The following SUPT20H variants were observed in gnomAD, a reference collection of about 807,000 sequenced individuals.
SUPT20H encodes transcription factor SPT20 homolog.
SUPT20H carries 82 observed loss-of-function variants against 122.8 expected under a neutral mutation model. That is an observed-to-expected ratio of 0.67 (90% CI 0.56 to 0.80). The LOEUF (loss-of-function observed/expected upper bound fraction) is 0.80, where lower values mean the gene tolerates loss of function less well. SUPT20H is among the 30% of genes least tolerant of loss of function. The pLI is 0.00. For synonymous variants in SUPT20H, 291 were observed against 313.0 expected (o/e 0.93, Z 0.74); for missense variants, 831 against 921.6 (o/e 0.90, Z 1.27).
chr13:37,011,595 C>T (rs1167499039), intron 24 of SUPT20H, among the ~76,000 whole-genome samples: 1 of 144,442 alleles, frequency 6.9e-6, no homozygotes. Flanking sequence ...TTATCGTCTT[C>T]AACTGACAGG....
chr13:37,033,427 AC>A (rs1253815494), intron 10 of SUPT20H, 21 bp downstream of exon 10: 1 of 1,603,752 alleles, frequency 6.2e-7, no homozygotes, highest in Admixed American at 1.7e-5. Flanking sequence ...CTTTTGGTTC[AC>A]CCTTCCACAA....
chr13:37,035,480 A>T (rs2064176759), intron 9 of SUPT20H, among the ~76,000 whole-genome samples: 1 of 152,122 alleles, frequency 6.6e-6, no homozygotes, highest in Non-Finnish European at 1.5e-5. Context: ...CTCATGATCA[A>T]ACTTGAATGG....
At chr13:37,044,444 C>T (rs2066047415) in intron 6 of SUPT20H, among the ~76,000 whole-genome samples, 1 of 151,710 alleles carries the variant, frequency 6.6e-6, no homozygotes, top group African/African-American at 2.4e-5. Flanking sequence ...GCAAAATAAT[C>T]AGAATATGAT....
At chr13:37,037,496 G>GT (rs2064703153) in intron 9 of SUPT20H, among the ~76,000 whole-genome samples, 1 of 152,222 alleles carries the variant, frequency 6.6e-6, no homozygotes, top group Non-Finnish European at 1.5e-5. Flanking sequence ...TGGTCAGGTT[G>GT]TAAGAGTGGC....
chr13:37,037,380 A>T (rs1326342365), intron 9 of SUPT20H, among the ~76,000 whole-genome samples: 3 of 152,098 alleles, frequency 2.0e-5, no homozygotes, highest in Non-Finnish European at 4.4e-5. Flanking sequence ...TAGGAAACCA[A>T]AAAGTTCATG....
intron 17 of SUPT20H, chr13:37,024,881 T>A (rs2061956994): frequency 1.2e-5 from 2 of 172,736 alleles, no homozygotes; most frequent in Non-Finnish European, 2.5e-5. Context: ...AAGAGTTAAA[T>A]AATTTTAAAA....
At chr13:37,016,922 T>C (rs1362420417) in intron 23 of SUPT20H, among the ~76,000 whole-genome samples, 2 of 152,166 alleles carry the variant, frequency 1.3e-5, no homozygotes, top group African/African-American at 2.4e-5. Flanking sequence ...AACAGAAAGA[T>C]AATGATGGGG....
chr13:37,053,562 T>C (rs980022414), intron 1 of SUPT20H, among the ~76,000 whole-genome samples: 1 of 151,774 alleles, frequency 6.6e-6, no homozygotes, highest in African/African-American at 2.4e-5. Flanking sequence ...TTAGGACAAA[T>C]ACCTAACACA....
intron 10 of SUPT20H, 43 bp downstream of exon 10, chr13:37,033,406 G>C: frequency 6.3e-7 from 1 of 1,591,988 alleles, no homozygotes; most frequent in Non-Finnish European, 8.6e-7. Flanking sequence ...AAAATTTATA[G>C]CTACTTGTGT....
intron 1 of SUPT20H, among the ~76,000 whole-genome samples, chr13:37,057,973 CAA>C (rs34624589): frequency 2.0e-5 from 2 of 98,056 alleles, no homozygotes; most frequent in South Asian, 3.7e-4. Context: ...GACTCCGTCT[CAA>C]AAAAAAAAAA....
In SUPT20H at chr13:37,009,550, A is replaced by T. The variant is rs1415948679; in HGVS notation, c.*122T>A. On this transcript the variant is annotated 3_prime_UTR_variant, in exon 26 of 26. Coordinates refer to ENST00000350612, the MANE Select transcript of SUPT20H (RefSeq NM_001014286.3). ...AAATGATAAGGTTGTGCTTCTGTAT[A>T]AAGTTTGTACATCTAGCAATGTAAA... 2.4e-5 allele frequency: 28 copies of T among 1,184,900 alleles called. No individual in the cohort carries two copies. Among genetic ancestry groups the T allele is most frequent in the Non-Finnish European group, 1.4e-5 (11 of 804,826 alleles). The allele number at this position is 1,184,900 out of a possible 1,614,324, so 73.4% of individuals were successfully genotyped here. A position where few individuals can be genotyped will look rare whatever the true frequency, so the allele number is the denominator to read the frequency against.
intron 23 of SUPT20H, among the ~76,000 whole-genome samples, chr13:37,016,087 A>G (rs2139226636): frequency 6.6e-6 from 1 of 152,302 alleles, no homozygotes; most frequent in Admixed American, 6.5e-5. Flanking sequence ...CTGTTGCATA[A>G]CAATGTGAAT....
At chr13:37,044,635 T>C (rs1346519957) in intron 6 of SUPT20H, among the ~76,000 whole-genome samples, 1 of 152,234 alleles carries the variant, frequency 6.6e-6, no homozygotes, top group Non-Finnish European at 1.5e-5. Context: ...TGTGAGTTCC[T>C]TGTAGAATTC....
chr13:37,014,407 A>G (rs1289768427), intron 23 of SUPT20H, among the ~76,000 whole-genome samples: 2 of 152,066 alleles, frequency 1.3e-5, no homozygotes, highest in African/African-American at 4.8e-5. Flanking sequence ...AATATGGAAC[A>G]CTCCTAACAG....
At position 37,051,550 on chromosome 13, in the gene SUPT20H, T is replaced by C. The variant is rs1444076123; in HGVS notation, c.-60A>G. On this transcript the variant is annotated 5_prime_UTR_variant, in exon 2 of 26. Transcript: ENST00000350612. ...ACTTATGTACGCTGATGAAGTGGGG[T>C]GAACACCATGCCTTTAACATCAATC... is the stretch of plus-strand genomic sequence containing the variant. 50 of 1,531,684 alleles carry C rather than the reference T, an allele frequency of 3.3e-5. No individual in the cohort carries two copies. Among genetic ancestry groups the C allele is most frequent in the Non-Finnish European group, 4.5e-5 (50 of 1,111,704 alleles). 94.9% of individuals were successfully genotyped at this position (1,531,684 alleles called of 1,614,324 possible). A position where few individuals can be genotyped will look rare whatever the true frequency, so the allele number is the denominator to read the frequency against.
At position 37,023,959 on chromosome 13, in the gene SUPT20H, T is replaced by C. The variant is rs2061779695; in HGVS notation, c.1591+76A>G. 4.7e-6 allele frequency: 7 copies of C among 1,479,630 alleles called. No individual in the cohort carries two copies. The African/African-American group carries it at 8.5e-5, about 18-fold the overall frequency. The allele number at this position is 1,479,630 out of a possible 1,614,324, so 91.7% of individuals were successfully genotyped here. On this transcript the variant is annotated intron_variant, in intron 19 of 25. Coordinates refer to ENST00000350612, the MANE Select transcript of SUPT20H (RefSeq NM_001014286.3). ...CATTCAGATATCACTACTTCACAGG[T>C]TGAAAAAAGCTGTCTTAAGAAACAC... is the stretch of plus-strand genomic sequence containing the variant.
At chr13:37,052,875 G>A (rs554833682) in intron 1 of SUPT20H, among the ~76,000 whole-genome samples, 88 of 152,156 alleles carry the variant, frequency 5.8e-4, no homozygotes, top group African/African-American at 2.0e-3. Context: ...GGATATGAAC[G>A]GACACTTCTC....
rs1302583163 is a variant in SUPT20H, at chr13:37,024,055, G to T, written c.1571C>A (p.Ser524Ter). The T allele has an allele frequency of 6.2e-7, 1 of 1,612,336 alleles. No individual in the cohort carries two copies. The highest frequency in any genetic ancestry group is 2.2e-5 in the East Asian group (1 of 44,820). ...QVSMLSPAAL[S>*]PASSSQRTTA... Reference sequence around the variant, plus strand: ...CTCACTTTGTGATGAGCTGGCAGGTGATAGGGCAGCTGGAGAAAGCATGCT... The same window carrying T: ...CTCACTTTGTGATGAGCTGGCAGGTTATAGGGCAGCTGGAGAAAGCATGCT... Residue 524 changes from serine (S) to a stop codon, truncating the protein, a stop_gained, in exon 19 of 26, where the codon TCA (serine) becomes TAA (stop). Transcript: ENST00000350612. LOFTEE classifies it high-confidence loss of function.
At position 37,022,976 on chromosome 13, in the gene SUPT20H, A is replaced by C; in HGVS notation, c.1592-896T>G. ...TTTATCAATTTTTTAAAAAACAAAA[A>C]CAAAAAACAAAAACCAAAAAAGTAA... On this transcript the variant is annotated intron_variant, in intron 19 of 25. Coordinates refer to ENST00000350612, the MANE Select transcript of SUPT20H (RefSeq NM_001014286.3). The surrounding 1 kb of genome is among the most constrained non-coding windows in gnomAD (Gnocchi z 4.5). 1 of 1,258,046 alleles carries C rather than the reference A, an allele frequency of 7.9e-7. No individual in the cohort carries two copies. Among genetic ancestry groups the C allele is most frequent in the Non-Finnish European group, 1.0e-6 (1 of 976,162 alleles). 77.9% of individuals were successfully genotyped at this position (1,258,046 alleles called of 1,614,324 possible). A position where few individuals can be genotyped will look rare whatever the true frequency, so the allele number is the denominator to read the frequency against.
Sources: allele counts gnomAD v4.1 joint callset (sites outside exome capture counted in the v4.1 genomes callset), GRCh38; gene constraint gnomAD v4.1.1; non-coding constraint Gnocchi (gnomAD v3.1); transcripts MANE v1.5; gene names NCBI Gene and HGNC (gene_info 2026-07-23, HGNC 2026-07-21).